Variants in TMEM167A observed in about 807,000 individuals in gnomAD.
TMEM167A encodes transmembrane protein 167A, also known as protein kish-A.
A neutral mutation model predicts 11.6 loss-of-function variants in TMEM167A; 8 were observed. That is an observed-to-expected ratio of 0.69 (90% CI 0.40 to 1.24). The LOEUF (loss-of-function observed/expected upper bound fraction) is 1.24, where lower values mean the gene tolerates loss of function less well. TMEM167A is among the 50% of genes most tolerant of loss of function. The pLI is 0.01. For missense variants in TMEM167A, 62 were observed against 87.0 expected, an observed-to-expected ratio of 0.71 and a Z score of 1.14; for synonymous variants, 22 against 28.0, an observed-to-expected ratio of 0.79 and a Z score of 0.67.
At chr5:83,069,713 C>T (rs1038209823) in intron 1 of TMEM167A, among the ~76,000 whole-genome samples, 1 of 152,084 alleles carries the variant, frequency 6.6e-6, no homozygotes, top group African/African-American at 2.4e-5. Context: ...ACACATCATA[C>T]TGTACTGTGA....
At chr5:83,077,187 G>A in intron 1 of TMEM167A, 134 bp downstream of exon 1, 2 of 1,317,032 alleles carry the variant, frequency 1.5e-6, no homozygotes, top group Non-Finnish European at 2.2e-6. Flanking sequence ...GTTGGCCGTG[G>A]AGGGACCACA....
intron 1 of TMEM167A, among the ~76,000 whole-genome samples, chr5:83,065,833 A>G (rs1486882757): frequency 6.6e-6 from 1 of 152,320 alleles, no homozygotes; most frequent in East Asian, 1.9e-4. Context: ...CATAAGTTTC[A>G]TAAGTTTCCA....
At chr5:83,070,752 T>C (rs1744548397) in intron 1 of TMEM167A, among the ~76,000 whole-genome samples, 1 of 152,154 alleles carries the variant, frequency 6.6e-6, no homozygotes, top group South Asian at 2.1e-4. Context: ...ATTTTATTTA[T>C]TAAGATGAAA....
At chr5:83,071,171 T>C (rs1374532281) in intron 1 of TMEM167A, among the ~76,000 whole-genome samples, 1 of 152,122 alleles carries the variant, frequency 6.6e-6, no homozygotes, top group East Asian at 1.9e-4. Flanking sequence ...ACAAATTGTT[T>C]AGCAAATTTG....
intron 1 of TMEM167A, among the ~76,000 whole-genome samples, chr5:83,074,321 A>C (rs1381259756): frequency 6.6e-6 from 1 of 151,976 alleles, no homozygotes; most frequent in African/African-American, 2.4e-5. Context: ...CTTCCCTAAT[A>C]CTCTTTAAAG....
chr5:83,056,456 G>A lies in TMEM167A; in HGVS notation c.*628C>T, dbSNP rs1264985479. 1 of 152,126 alleles carries A rather than the reference G, an allele frequency of 6.6e-6. No homozygotes were observed. Among genetic ancestry groups the A allele is most frequent in the African/African-American group, 2.4e-5 (1 of 41,388 alleles). 9.4% of individuals were successfully genotyped at this position (152,126 alleles called of 1,614,324 possible). A position where few individuals can be genotyped will look rare whatever the true frequency, so the allele number is the denominator to read the frequency against. ...ATTTGGCTAGTCTAAATCCACTAAT[G>A]TTAACTATCAACATTTTCCCAATAC... On this transcript the variant is annotated 3_prime_UTR_variant, in exon 4 of 4. Transcript: ENST00000502346.
At chr5:83,075,123 T>C (rs1366726967) in intron 1 of TMEM167A, among the ~76,000 whole-genome samples, 2 of 152,220 alleles carry the variant, frequency 1.3e-5, no homozygotes, top group East Asian at 1.9e-4. Flanking sequence ...TCTTTAAGAA[T>C]TCTGCCTAGA....
At chr5:83,062,537 A>G (rs1744421034) in intron 2 of TMEM167A, among the ~76,000 whole-genome samples, 1 of 152,094 alleles carries the variant, frequency 6.6e-6, no homozygotes, top group African/African-American at 2.4e-5. Flanking sequence ...TACTCTGGGA[A>G]TAAGTATTAG....
intron 2 of TMEM167A, chr5:83,064,396 T>A: frequency 2.0e-6 from 1 of 504,920 alleles, no homozygotes; most frequent in Non-Finnish European, 3.9e-6. Flanking sequence ...TCTACTACTA[T>A]GTAATTATTC....
rs541333695 is a variant in TMEM167A at position 83,066,760 on chromosome 5, G to A, written c.4-1643C>T. Among the ~76,000 whole-genome samples, 14 of 152,238 alleles carry A rather than the reference G, an allele frequency of 9.2e-5. No homozygotes were observed. The South Asian group carries it at 1.9e-3, about 20-fold the overall frequency. Reference sequence around the variant, plus strand: ...GTGGGAGGTGTTTGGGTTTGGGGACGGGGTGGTGGGGGGTAGATCTCCCAT... The same window carrying A: ...GTGGGAGGTGTTTGGGTTTGGGGACAGGGTGGTGGGGGGTAGATCTCCCAT... On this transcript the variant is annotated intron_variant, in intron 1 of 3. Transcript: ENST00000502346.
chr5:83,064,414 A>C (rs1394884169), intron 2 of TMEM167A: 2 of 481,930 alleles, frequency 4.1e-6, no homozygotes, highest in Non-Finnish European at 8.2e-6. Flanking sequence ...TTCTTTAATG[A>C]GATAAACACT....
At chr5:83,070,498 T>C (rs904719439) in intron 1 of TMEM167A, among the ~76,000 whole-genome samples, 2 of 152,228 alleles carry the variant, frequency 1.3e-5, no homozygotes, top group East Asian at 3.8e-4. Context: ...AGTCAGTTAC[T>C]TTATTTGATC....
At chr5:83,076,695 T>G (rs900585908) in intron 1 of TMEM167A, among the ~76,000 whole-genome samples, 1 of 152,220 alleles carries the variant, frequency 6.6e-6, no homozygotes, top group Non-Finnish European at 1.5e-5. Flanking sequence ...ATTTGGCACA[T>G]GGACCTGGAG....
chr5:83,067,249 C>CAAAA (rs144860721), intron 1 of TMEM167A, among the ~76,000 whole-genome samples: 48,001 of 151,084 alleles, frequency 0.32, 7,756 homozygotes, highest in Non-Finnish European at 0.35. Flanking sequence ...ATCTTAAAAA[C>CAAAA]AAAAAAATGG....
chr5:83,059,023 T>C (rs1367581281), intron 3 of TMEM167A, among the ~76,000 whole-genome samples: 2 of 152,174 alleles, frequency 1.3e-5, no homozygotes, highest in East Asian at 1.9e-4. Context: ...AAGCAGCATA[T>C]CAGCAACATT....
At chr5:83,066,561 C>T (rs554806198) in intron 1 of TMEM167A, among the ~76,000 whole-genome samples, 2 of 152,164 alleles carry the variant, frequency 1.3e-5, no homozygotes, top group African/African-American at 4.8e-5. Flanking sequence ...ATAAGCTTAA[C>T]AAGAAATGTG....
At chr5:83,063,754 C>T (rs1012519321) in intron 2 of TMEM167A, among the ~76,000 whole-genome samples, 12 of 151,916 alleles carry the variant, frequency 7.9e-5, no homozygotes, top group Non-Finnish European at 1.3e-4. Context: ...AATGTAATTA[C>T]GTTGCTTAGT....
At chr5:83,061,638 T>A (rs982926600) in intron 3 of TMEM167A, among the ~76,000 whole-genome samples, 1 of 152,160 alleles carries the variant, frequency 6.6e-6, no homozygotes, top group African/African-American at 2.4e-5. Context: ...CAGGTAATCC[T>A]CCTGCCTTGG....
rs911042598 is a variant in TMEM167A, at chr5:83,055,359, T to C, written c.*1725A>G. 1 of 151,982 alleles carries C rather than the reference T, an allele frequency of 6.6e-6. No individual in the cohort carries two copies. Among genetic ancestry groups the C allele is most frequent in the Non-Finnish European group, 1.5e-5 (1 of 67,944 alleles). The allele number at this position is 151,982 out of a possible 1,614,324, so 9.4% of individuals were successfully genotyped here. ...GTTGGCAGCAGAGCTGGACAACAGA[T>C]GGCCACCCAGAAATTAGAGCCAGAA... On this transcript the variant is annotated 3_prime_UTR_variant, in exon 4 of 4. Coordinates refer to ENST00000502346, the MANE Select transcript of TMEM167A (RefSeq NM_174909.5).
Sources: gnomAD v4.1 joint callset for allele counts (sites outside exome capture counted in the v4.1 genomes callset) on GRCh38, gnomAD v4.1.1 for gene constraint, MANE v1.5 for transcripts, NCBI Gene and HGNC (gene_info 2026-07-23, HGNC 2026-07-21) for gene names.